Variants in ABHD2 observed in about 807,000 individuals in gnomAD.
ABHD2 encodes the protein abhydrolase domain containing 2, acylglycerol lipase, also known as monoacylglycerol lipase ABHD2.
In ABHD2, 20 loss-of-function variants were observed where a neutral mutation model predicts 48.1. That is an observed-to-expected ratio of 0.42 (90% CI 0.29 to 0.60). The LOEUF is 0.60. Among genes scored for constraint, ABHD2 ranks in the 20% least tolerant of loss-of-function variants. The pLI is 0.24. For synonymous variants in ABHD2, 209 were observed against 214.2 expected (o/e 0.98, Z 0.21); for missense variants, 405 against 550.9 (o/e 0.74, Z 2.65).
At chr15:89,192,875 T>C (rs1302600371) in intron 9 of ABHD2, among the ~76,000 whole-genome samples, 1 of 152,146 alleles carries the variant, frequency 6.6e-6, no homozygotes, top group Non-Finnish European at 1.5e-5. Context: ...TAGAATCTCT[T>C]TTGTCTGGTA....
the ABHD2 span, among the ~76,000 whole-genome samples, chr15:89,044,991 C>G: frequency 6.6e-6 from 1 of 151,664 alleles, no homozygotes; most frequent in Non-Finnish European, 1.5e-5. Context: ...TGCCTATGTC[C>G]TGAATGGTAA....
chr15:89,084,282 A>G (rs1175387041), upstream of ABHD2, among the ~76,000 whole-genome samples: 2 of 151,554 alleles, frequency 1.3e-5, no homozygotes, highest in Non-Finnish European at 1.5e-5. This position sits in a 1 kb window ranked among gnomAD's most constrained non-coding sequence, Gnocchi z 4.4. Flanking sequence ...CTTTCCACTT[A>G]ATTTTGTTAT....
In ABHD2 at chr15:89,188,164, A is replaced by T; in HGVS notation, c.816-29A>T. 6.3e-7 allele frequency: 1 copy of T among 1,597,524 alleles called. No individual in the cohort carries two copies. The highest frequency in any genetic ancestry group is 8.6e-7 in the Non-Finnish European group (1 of 1,165,198). On this transcript the variant is annotated intron_variant, in intron 7 of 10. Coordinates refer to ENST00000352732, the MANE Select transcript of ABHD2 (RefSeq NM_152924.5). This position sits in a 1 kb window ranked among gnomAD's most constrained non-coding sequence, Gnocchi z 4.1. ...ATGGTTGTTCATCCTCCACATCTTA[A>T]TCTCTGTTTGCTTTTGTGTTTGCTC...
chr15:89,050,428 G>A, the ABHD2 span, among the ~76,000 whole-genome samples: 1 of 152,246 alleles, frequency 6.6e-6, no homozygotes, highest in South Asian at 2.1e-4. Flanking sequence ...CTATGGGTCA[G>A]GGAGGAGCAG....
chr15:89,127,444 C>A (rs920738581), intron 3 of ABHD2, among the ~76,000 whole-genome samples: 2 of 150,244 alleles, frequency 1.3e-5, no homozygotes, highest in Non-Finnish European at 2.9e-5. Flanking sequence ...TTCTACCCTT[C>A]CACTGAGTAC....
chr15:89,152,338 C>G (rs988246045), intron 4 of ABHD2, among the ~76,000 whole-genome samples: 123 of 152,292 alleles, frequency 8.1e-4, no homozygotes, highest in African/African-American at 2.9e-3. Flanking sequence ...CTCGGCCTCC[C>G]AAAGTGCTGG....
At position 89,164,408 on chromosome 15, in the gene ABHD2, G is replaced by A. The variant is rs2050806557; in HGVS notation, c.538+8874G>A. 6.6e-6 allele frequency among the ~76,000 whole-genome samples: 1 copy of A among 151,556 alleles called. No individual in the cohort carries two copies. Among genetic ancestry groups the A allele is most frequent in the East Asian group, 1.9e-4 (1 of 5,184 alleles). ...AGAGAGAGATGGTCAGGAAAGGCCT[G>A]CAGCGGGAGAGAACCTGTGCTTTAT... On this transcript the variant is annotated intron_variant, in intron 5 of 10. Transcript: ENST00000352732. This position sits in a 1 kb window ranked among gnomAD's most constrained non-coding sequence, Gnocchi z 5.0.
Position 89,120,413 on chromosome 15 carries a change from G to A in ABHD2, c.194+3892G>A, listed in dbSNP as rs293371. On this transcript the variant is annotated intron_variant, in intron 3 of 10. Transcript: ENST00000352732. The surrounding 1 kb of genome is among the most constrained non-coding windows in gnomAD (Gnocchi z 4.2). ...ATCTTTTTTTTTCAATAAAAACTTT[G>A]ATGCATATTCATTTTTTTAAATGGA... 0.39 allele frequency among the ~76,000 whole-genome samples: 59,796 copies of A among 151,940 alleles called. 12,306 individuals are homozygous for A. Among genetic ancestry groups the A allele is most frequent in the Non-Finnish European group, 0.46 (31,106 of 67,958 alleles).
chr15:89,073,696 A>G, the ABHD2 span, among the ~76,000 whole-genome samples: 1 of 152,192 alleles, frequency 6.6e-6, no homozygotes, highest in East Asian at 1.9e-4. Context: ...GGATCTTGCC[A>G]AACACAAATT....
rs2049793726 is a variant in ABHD2, at chr15:89,106,824, C to T, written c.-106-6901C>T. The stretch of plus-strand genomic sequence containing the variant: ...TCCAAAATTTATGTCCCATCTGAAA[C>T]CAGTGAATGTGACCTTATTTGGAAA... On this transcript the variant is annotated intron_variant, in intron 1 of 10. Coordinates refer to ENST00000352732, the MANE Select transcript of ABHD2 (RefSeq NM_152924.5). This position sits in a 1 kb window ranked among gnomAD's most constrained non-coding sequence, Gnocchi z 4.2. Among the ~76,000 whole-genome samples, 1 of 152,128 alleles carries T rather than the reference C, an allele frequency of 6.6e-6. No individual in the cohort carries two copies. Among genetic ancestry groups the T allele is most frequent in the South Asian group, 2.1e-4 (1 of 4,832 alleles).
the ABHD2 span, among the ~76,000 whole-genome samples, chr15:89,048,936 G>A: frequency 2.6e-4 from 39 of 147,682 alleles, no homozygotes; most frequent in Admixed American, 4.0e-4. Context: ...GAGGAACTGC[G>A]TTCCTTTGGA....
At chr15:89,089,647 C>T (rs1901513633) in intron 1 of ABHD2, among the ~76,000 whole-genome samples, 1 of 152,170 alleles carries the variant, frequency 6.6e-6, no homozygotes, top group African/African-American at 2.4e-5. Flanking sequence ...GCAGGTTTGG[C>T]AGAGTCAACA....
chr15:89,055,984 C>A, the ABHD2 span, among the ~76,000 whole-genome samples: 1 of 151,982 alleles, frequency 6.6e-6, no homozygotes, highest in South Asian at 2.1e-4. Flanking sequence ...CTGCCTCAGC[C>A]TCCTGAGTAG....
rs1325683382 is a variant in ABHD2 at position 89,188,270 on chromosome 15, C to T, written c.893C>T (p.Thr298Ile). ...DTDLSRLYTA[T>I]SLMQIDDNVM... ...GACTTGAGCCGGCTCTACACAGCAACATCCCTGATGCAGATTGATGACAAT... is the reference window on the plus strand; with the variant it reads ...GACTTGAGCCGGCTCTACACAGCAATATCCCTGATGCAGATTGATGACAAT... Residue 298 changes from threonine (T) to isoleucine (I), a missense_variant, in exon 8 of 11, where the codon ACA becomes ATA. Physicochemically the swap from Thr to Ile is moderately conservative, Grantham distance 89. Coordinates refer to ENST00000352732, the MANE Select transcript of ABHD2 (RefSeq NM_152924.5). This position sits in a 1 kb window ranked among gnomAD's most constrained non-coding sequence, Gnocchi z 4.1. 1 of 1,614,204 alleles carries T rather than the reference C, an allele frequency of 6.2e-7. No homozygotes were observed. The highest frequency in any genetic ancestry group is 1.1e-5 in the South Asian group (1 of 91,088).
chr15:89,139,562 C>G (rs1473393113), intron 3 of ABHD2, among the ~76,000 whole-genome samples: 1 of 152,072 alleles, frequency 6.6e-6, no homozygotes, highest in Non-Finnish European at 1.5e-5. Flanking sequence ...TATATAAGAG[C>G]CAAAATAAAA....
the ABHD2 span, among the ~76,000 whole-genome samples, chr15:89,043,764 A>G: frequency 2.9e-4 from 44 of 150,424 alleles, no homozygotes; most frequent in South Asian, 6.4e-4. Context: ...GGAGAAGAAG[A>G]AGGAGGAGGA....
chr15:89,062,117 T>C, the ABHD2 span, among the ~76,000 whole-genome samples: 5 of 152,126 alleles, frequency 3.3e-5, no homozygotes, highest in Admixed American at 6.5e-5. Flanking sequence ...AAAATAGGAA[T>C]GCTGGAAGAT....
the ABHD2 span, among the ~76,000 whole-genome samples, chr15:89,052,182 C>T: frequency 2.6e-5 from 4 of 152,266 alleles, no homozygotes; most frequent in African/African-American, 7.2e-5. Context: ...GAGATGGGAG[C>T]CCTGTGGCCC....
At chr15:89,150,025 G>A (rs977323179) in intron 3 of ABHD2, among the ~76,000 whole-genome samples, 10 of 152,182 alleles carry the variant, frequency 6.6e-5, no homozygotes, top group Non-Finnish European at 1.3e-4. Flanking sequence ...CATCAGGACA[G>A]TCACATGTGT....
Sources: allele counts gnomAD v4.1 joint callset (sites outside exome capture counted in the v4.1 genomes callset), GRCh38; gene constraint gnomAD v4.1.1; non-coding constraint Gnocchi (gnomAD v3.1); transcripts MANE v1.5; gene names NCBI Gene and HGNC (gene_info 2026-07-23, HGNC 2026-07-21).